The following ABLIM2 variants were observed in gnomAD, a reference collection of about 807,000 sequenced individuals.
The protein encoded by ABLIM2 is actin binding LIM protein family member 2.
Under a neutral mutation model 97.7 loss-of-function variants are expected in ABLIM2, and 53 were observed. The observed-to-expected ratio is 0.54, with a 90% CI of 0.44 to 0.68. The LOEUF is 0.68. ABLIM2 is among the 30% of genes least tolerant of loss of function. The probability of loss-of-function intolerance (pLI) is 0.00; values close to 1 mark genes in which losing one functional copy is unlikely to be tolerated. For missense variants in ABLIM2, 835 were observed against 867.2 expected, an observed-to-expected ratio of 0.96 and a Z score of 0.47; for synonymous variants, 361 against 345.8, an observed-to-expected ratio of 1.04 and a Z score of -0.49.
chr4:8,036,391 C>G, intron 9 of ABLIM2, 96 bp from the exon 10 acceptor site: 1 of 1,454,186 alleles, frequency 6.9e-7, no homozygotes, highest in Admixed American at 1.8e-5. Context: ...GGACAGTGCC[C>G]CCAAAGCCAG....
chr4:8,001,047 C>T lies in ABLIM2; in HGVS notation c.1618+7012G>A, dbSNP rs1002631512. Among the ~76,000 whole-genome samples the T allele has an allele frequency of 1.3e-5, 2 of 152,188 alleles. No homozygotes were observed. Among genetic ancestry groups the T allele is most frequent in the African/African-American group, 4.8e-5 (2 of 41,442 alleles). The stretch of plus-strand genomic sequence containing the variant: ...CAGTTCCCATCCGCTCCTGGGTGCA[C>T]GGGCAGGAGGTTTGGAGGCTGTGGC... On this transcript the variant is annotated intron_variant, in intron 16 of 20. Coordinates refer to ENST00000447017, the MANE Select transcript of ABLIM2 (RefSeq NM_001130083.2). The surrounding 1 kb of genome is among the most constrained non-coding windows in gnomAD (Gnocchi z 4.2).
rs973785545 is a variant in ABLIM2, at chr4:8,040,497, C to T, written c.901-4202G>A. On this transcript the variant is annotated intron_variant, in intron 9 of 20. Coordinates refer to ENST00000447017, the MANE Select transcript of ABLIM2 (RefSeq NM_001130083.2). ...ATGGTGGTGGGCGCCTGTAATCTCACAGACTTGGGAGGCTGAGGCAGGAGA... is the reference window on the plus strand; with the variant it reads ...ATGGTGGTGGGCGCCTGTAATCTCATAGACTTGGGAGGCTGAGGCAGGAGA... Among the ~76,000 whole-genome samples, 6 of 151,888 alleles carry T rather than the reference C, an allele frequency of 4.0e-5. No homozygotes were observed. In the East Asian group the frequency reaches 1.2e-3, roughly 29 times the overall value.
At chr4:8,059,528 C>A (rs972193774) in intron 7 of ABLIM2, among the ~76,000 whole-genome samples, 1 of 152,094 alleles carries the variant, frequency 6.6e-6, no homozygotes, top group Non-Finnish European at 1.5e-5. Context: ...CCCGGCCCCC[C>A]CACTTGACAT....
rs1848651519 is a variant in ABLIM2 at position 8,127,823 on chromosome 4, G to A, written c.11-21186C>T. On this transcript the variant is annotated intron_variant, in intron 1 of 20. Transcript: ENST00000447017. The surrounding 1 kb of genome is among the most constrained non-coding windows in gnomAD (Gnocchi z 7.3). ...ACACACCTGTCTCCCAGGCATCCGGGAAAGGGGCTCTGAAAAGGCACTCGG... is the reference window on the plus strand; with the variant it reads ...ACACACCTGTCTCCCAGGCATCCGGAAAAGGGGCTCTGAAAAGGCACTCGG... Among the ~76,000 whole-genome samples, 1 of 146,304 alleles carries A rather than the reference G, an allele frequency of 6.8e-6. No homozygotes were observed. Among genetic ancestry groups the A allele is most frequent in the South Asian group, 2.4e-4 (1 of 4,230 alleles).
intron 20 of ABLIM2, among the ~76,000 whole-genome samples, chr4:7,967,382 G>A (rs976815245): frequency 1.3e-4 from 20 of 152,216 alleles, no homozygotes; most frequent in African/African-American, 4.8e-4. Context: ...TGCTGCTGTG[G>A]ACCAAGTTCA....
chr4:8,006,491 C>T (rs1240584515), intron 16 of ABLIM2, among the ~76,000 whole-genome samples: 2 of 152,248 alleles, frequency 1.3e-5, no homozygotes, highest in Non-Finnish European at 2.9e-5. Context: ...CACTGATTTC[C>T]TGGTTCCCAG....
intron 16 of ABLIM2, among the ~76,000 whole-genome samples, chr4:7,995,356 G>A (rs1752504819): frequency 6.6e-6 from 1 of 152,222 alleles, no homozygotes; most frequent in South Asian, 2.1e-4. Flanking sequence ...GAGCTTCCAA[G>A]CTGCCCACGA....
Position 7,998,366 on chromosome 4 carries a change from T to C in ABLIM2, c.1619-5439A>G, listed in dbSNP as rs1251403870. Among the ~76,000 whole-genome samples, 1 of 152,208 alleles carries C rather than the reference T, an allele frequency of 6.6e-6. No individual in the cohort carries two copies. Among genetic ancestry groups the C allele is most frequent in the Non-Finnish European group, 1.5e-5 (1 of 68,036 alleles). ...AGGTTTCGCGTGTACAGCCTGTTCTTTTGGAGGCTACGGTTCCAATGACAA... is the reference window on the plus strand; with the variant it reads ...AGGTTTCGCGTGTACAGCCTGTTCTCTTGGAGGCTACGGTTCCAATGACAA... On this transcript the variant is annotated intron_variant, in intron 16 of 20. Transcript: ENST00000447017. The surrounding 1 kb of genome is among the most constrained non-coding windows in gnomAD (Gnocchi z 6.4).
chr4:7,981,483 G>C (rs182015825), intron 20 of ABLIM2, among the ~76,000 whole-genome samples: 2 of 152,294 alleles, frequency 1.3e-5, no homozygotes, highest in Admixed American at 1.3e-4. Context: ...CCGTGGGCCC[G>C]TGTTCTCAGG....
intron 11 of ABLIM2, 143 bp from the exon 12 acceptor site, chr4:8,028,000 C>G (rs1367730183): frequency 5.2e-6 from 3 of 572,122 alleles, no homozygotes; most frequent in Non-Finnish European, 8.7e-6. Context: ...AAGGTGGTCA[C>G]CAAACATGCT....
At chr4:8,078,747 GA>G (rs1817890006) in intron 5 of ABLIM2, among the ~76,000 whole-genome samples, 3 of 152,186 alleles carry the variant, frequency 2.0e-5, no homozygotes, top group South Asian at 4.1e-4. Flanking sequence ...CATAATGGGG[GA>G]AATAATAGTA....
At chr4:8,000,843 C>T (rs1473188640) in intron 16 of ABLIM2, among the ~76,000 whole-genome samples, 1 of 152,164 alleles carries the variant, frequency 6.6e-6, no homozygotes, top group Non-Finnish European at 1.5e-5. Flanking sequence ...GGTGACAGAT[C>T]TGTGATCCAG....
chr4:8,157,778 C>T (rs1405394959), intron 1 of ABLIM2, among the ~76,000 whole-genome samples: 1 of 152,216 alleles, frequency 6.6e-6, no homozygotes, highest in Admixed American at 6.5e-5. Context: ...GGTTCGAATC[C>T]CCGCCCCCCC....
rs544239639 is a variant in ABLIM2 at position 7,970,847 on chromosome 4, G to A, written c.1825-3744C>T. On this transcript the variant is annotated intron_variant, in intron 20 of 20. Transcript: ENST00000447017. The surrounding 1 kb of genome is among the most constrained non-coding windows in gnomAD (Gnocchi z 5.3). Reference sequence around the variant, plus strand: ...AACAGGGAGGGGCCGGGGGTGTCCCGAGCATGTGGGCTGGGCCAGGCCACT... The same window carrying A: ...AACAGGGAGGGGCCGGGGGTGTCCCAAGCATGTGGGCTGGGCCAGGCCACT... 2.0e-5 allele frequency among the ~76,000 whole-genome samples: 3 copies of A among 152,122 alleles called. No homozygotes were observed. Among genetic ancestry groups the A allele is most frequent in the African/African-American group, 7.2e-5 (3 of 41,528 alleles).
intron 9 of ABLIM2, among the ~76,000 whole-genome samples, chr4:8,041,820 C>A (rs367837545): frequency 6.6e-6 from 1 of 151,884 alleles, no homozygotes; most frequent in Admixed American, 6.6e-5. Context: ...AGGAGAATGG[C>A]GTGAACCTGG....
rs1841445503 is a variant in ABLIM2, at chr4:8,113,725, T to C, written c.11-7088A>G. Among the ~76,000 whole-genome samples, 6 of 152,236 alleles carry C rather than the reference T, an allele frequency of 3.9e-5. No homozygotes were observed. The highest frequency in any genetic ancestry group is 3.9e-4 in the Admixed American group (6 of 15,290). ...CTGCTGTTTGTATCATCCAAACGGC[T>C]GGCTTGGGGTTTCCAAATGTCCTAA... On this transcript the variant is annotated intron_variant, in intron 1 of 20. Coordinates refer to ENST00000447017, the MANE Select transcript of ABLIM2 (RefSeq NM_001130083.2). This position sits in a 1 kb window ranked among gnomAD's most constrained non-coding sequence, Gnocchi z 4.5.
chr4:8,151,563 G>GT (rs1257887484), intron 1 of ABLIM2, among the ~76,000 whole-genome samples: 1 of 152,226 alleles, frequency 6.6e-6, no homozygotes, highest in African/African-American at 2.4e-5. Context: ...TCGAGAGCCA[G>GT]ATGAGAAAGG....
At position 8,061,841 on chromosome 4, in the gene ABLIM2, T is replaced by C. The variant is rs6817659; in HGVS notation, c.676-787A>G. ...CTACATCTGAATTTATAATAACCAG[T>C]TTCCTGAATCAGTAAGTAAAGGGCT... On this transcript the variant is annotated intron_variant, in intron 6 of 20. Transcript: ENST00000447017. The surrounding 1 kb of genome is among the most constrained non-coding windows in gnomAD (Gnocchi z 4.5). Among the ~76,000 whole-genome samples the C allele has an allele frequency of 0.25, 37,623 of 151,996 alleles. 4,796 individuals carry two copies. The highest frequency in any genetic ancestry group is 0.35 in the South Asian group (1,687 of 4,814).
At chr4:8,129,583 C>T (rs1293145602) in intron 1 of ABLIM2, among the ~76,000 whole-genome samples, 1 of 152,222 alleles carries the variant, frequency 6.6e-6, no homozygotes, top group Non-Finnish European at 1.5e-5. Flanking sequence ...GGGCACAGAA[C>T]CTGAAAACTT....
Sources: gnomAD v4.1 joint callset for allele counts (sites outside exome capture counted in the v4.1 genomes callset) on GRCh38, gnomAD v4.1.1 for gene constraint, Gnocchi (gnomAD v3.1) non-coding constraint, MANE v1.5 for transcripts, NCBI Gene and HGNC (gene_info 2026-07-23, HGNC 2026-07-21) for gene names.